Variants in ITPR2 observed in about 807,000 individuals in gnomAD.
The protein encoded by ITPR2 is inositol 1,4,5-trisphosphate-gated calcium channel ITPR2.
In ITPR2, 207 loss-of-function variants were observed where a neutral mutation model predicts 317.1. The observed-to-expected ratio is 0.65, with a 90% CI of 0.58 to 0.73. ITPR2 has a LOEUF of 0.73. Among genes scored for constraint, ITPR2 ranks in the 30% least tolerant of loss-of-function variants. ITPR2 has a pLI of 0.00. For missense variants in ITPR2, 2,613 were observed against 3,284.0 expected, an observed-to-expected ratio of 0.80 and a Z score of 4.99; for synonymous variants, 1,156 against 1,149.1, an observed-to-expected ratio of 1.01 and a Z score of -0.12.
chr12:26,377,176 C>T (rs778385779), intron 55 of ITPR2, among the ~76,000 whole-genome samples: 2 of 152,146 alleles, frequency 1.3e-5, no homozygotes, highest in East Asian at 1.9e-4. Flanking sequence ...TTCATTTACC[C>T]GATCAGCCTC....
intron 26 of ITPR2, among the ~76,000 whole-genome samples, chr12:26,611,885 A>G (rs747830633): frequency 7.9e-5 from 12 of 152,216 alleles, no homozygotes; most frequent in Admixed American, 1.3e-4. Context: ...ATTGCTCCTA[A>G]TGCTACTGAT....
intron 2 of ITPR2, among the ~76,000 whole-genome samples, chr12:26,777,447 G>T (rs1352553599): frequency 2.6e-5 from 4 of 152,152 alleles, no homozygotes; most frequent in Non-Finnish European, 5.9e-5. Context: ...AATACAATGG[G>T]AATAATTGGA....
In ITPR2 at chr12:26,764,129, T is replaced by C. The variant is rs574717364; in HGVS notation, c.163+26028A>G. On this transcript the variant is annotated intron_variant, in intron 2 of 56. Coordinates refer to ENST00000381340, the MANE Select transcript of ITPR2 (RefSeq NM_002223.4). ...AAGGTAGTCTTTGAACAAATTATGC[T>C]AGAACAACTGGACATCCACATGCAA... Among the ~76,000 whole-genome samples the C allele has an allele frequency of 9.9e-5, 15 of 152,200 alleles. No homozygotes were observed. In the South Asian group the frequency reaches 2.9e-3, roughly 29 times the overall value.
intron 21 of ITPR2, among the ~76,000 whole-genome samples, chr12:26,633,379 G>A (rs1399176107): frequency 6.6e-6 from 1 of 152,204 alleles, no homozygotes; most frequent in Non-Finnish European, 1.5e-5. Context: ...TTAAGTGTAA[G>A]AGGGTAGTGC....
At chr12:26,823,078 C>T (rs1468265602) in intron 1 of ITPR2, among the ~76,000 whole-genome samples, 1 of 152,082 alleles carries the variant, frequency 6.6e-6, no homozygotes, top group African/African-American at 2.4e-5. Context: ...CTCCTTGAAG[C>T]TCCCGCCAGG....
At chr12:26,435,199 T>G (rs1941321744) in intron 48 of ITPR2, among the ~76,000 whole-genome samples, 1 of 152,188 alleles carries the variant, frequency 6.6e-6, no homozygotes, top group Non-Finnish European at 1.5e-5. Flanking sequence ...TTTCCTTTTC[T>G]GCCCACCCCC....
At chr12:26,392,827 T>A (rs74688518) in intron 54 of ITPR2, among the ~76,000 whole-genome samples, 3,884 of 152,346 alleles carry the variant, frequency 0.025, 65 homozygotes, top group South Asian at 0.056. Flanking sequence ...AGAATAGGAA[T>A]TCTGACCTAT....
intron 30 of ITPR2, 151 bp from the exon 31 acceptor site, chr12:26,597,285 G>T (rs1207138768): frequency 1.1e-6 from 1 of 920,024 alleles, no homozygotes; most frequent in Non-Finnish European, 1.7e-6. Context: ...GGAGGGTGGT[G>T]ACAAGATTAT....
At chr12:26,713,216 G>A (rs1184701368) in intron 8 of ITPR2, among the ~76,000 whole-genome samples, 1 of 152,128 alleles carries the variant, frequency 6.6e-6, no homozygotes, top group East Asian at 1.9e-4. Flanking sequence ...ATAAGCCCAT[G>A]TCCCCCACTC....
intron 37 of ITPR2, among the ~76,000 whole-genome samples, chr12:26,496,631 T>G (rs1942936441): frequency 6.6e-6 from 1 of 152,148 alleles, no homozygotes; most frequent in Non-Finnish European, 1.5e-5. Context: ...TTCCTTCTCT[T>G]TCAAATGTTT....
chr12:26,353,571 C>A lies in ITPR2; in HGVS notation c.7858-13243G>T, dbSNP rs75928138. Among the ~76,000 whole-genome samples the A allele has an allele frequency of 7.2e-3, 1,096 of 152,240 alleles. 15 individuals carry two copies. Among genetic ancestry groups the A allele is most frequent in the African/African-American group, 0.025 (1,051 of 41,536 alleles). Reference sequence around the variant, plus strand: ...CCTGAAGACAGGATTCAGGATTTTCCAGTTATGCTGAGGTTCAAATAATAC... The same window carrying A: ...CCTGAAGACAGGATTCAGGATTTTCAAGTTATGCTGAGGTTCAAATAATAC... On this transcript the variant is annotated intron_variant, in intron 55 of 56. Transcript: ENST00000381340.
rs571318734 is a variant in ITPR2 at position 26,477,827 on chromosome 12, CT to C, written c.6124-821del. On this transcript the variant is annotated intron_variant, in intron 43 of 56. Transcript: ENST00000381340. ...ATCCTAAACATTTTGAAAGATGTTACTTCATGCTGTGTTTTTAACAGTGCTG... is the reference window on the plus strand; with the variant it reads ...ATCCTAAACATTTTGAAAGATGTTACTCATGCTGTGTTTTTAACAGTGCTG... 6.5e-3 allele frequency among the ~76,000 whole-genome samples: 990 copies of C among 152,234 alleles called. 18 individuals carry two copies. Among genetic ancestry groups the C allele is most frequent in the African/African-American group, 0.023 (946 of 41,564 alleles).
intron 55 of ITPR2, among the ~76,000 whole-genome samples, chr12:26,341,915 T>A (rs1938126510): frequency 6.6e-6 from 1 of 152,182 alleles, no homozygotes; most frequent in Non-Finnish European, 1.5e-5. Context: ...TGTGTGTGGT[T>A]CTAATATCAT....
chr12:26,411,626 A>G (rs971439536), intron 51 of ITPR2, among the ~76,000 whole-genome samples: 1 of 152,196 alleles, frequency 6.6e-6, no homozygotes, highest in Non-Finnish European at 1.5e-5. Flanking sequence ...CCAACCCACT[A>G]AAAGCCTTTT....
intron 45 of ITPR2, among the ~76,000 whole-genome samples, chr12:26,474,793 C>CA (rs10616680): frequency 0.51 from 42,993 of 83,932 alleles, 11,758 homozygotes; most frequent in Non-Finnish European, 0.6. Flanking sequence ...GACTCCGTCT[C>CA]AAAAAAAAAA....
At chr12:26,665,773 G>T in intron 14 of ITPR2, 137 bp downstream of exon 14, 1 of 737,522 alleles carries the variant, frequency 1.4e-6, no homozygotes, top group African/African-American at 1.8e-5. Flanking sequence ...GAAACTGTGA[G>T]ACAAGAAGTA....
intron 55 of ITPR2, among the ~76,000 whole-genome samples, chr12:26,378,640 T>C (rs559475203): frequency 5.9e-5 from 9 of 152,244 alleles, no homozygotes; most frequent in Non-Finnish European, 1.2e-4. Context: ...GCTGTCCTTC[T>C]AGTTATAGTG....
chr12:26,384,195 G>A (rs767252371), intron 55 of ITPR2, among the ~76,000 whole-genome samples: 16 of 152,178 alleles, frequency 1.1e-4, no homozygotes, highest in Non-Finnish European at 1.6e-4. Flanking sequence ...CTTTCCACGT[G>A]CTACAAAATC....
At chr12:26,771,358 T>C (rs1403499687) in intron 2 of ITPR2, among the ~76,000 whole-genome samples, 1 of 152,126 alleles carries the variant, frequency 6.6e-6, no homozygotes, top group Non-Finnish European at 1.5e-5. Flanking sequence ...TGCTGACTAC[T>C]GGAACAACCT....
Sources: allele counts gnomAD v4.1 joint callset (sites outside exome capture counted in the v4.1 genomes callset), GRCh38; gene constraint gnomAD v4.1.1; transcripts MANE v1.5; gene names NCBI Gene and HGNC (gene_info 2026-07-23, HGNC 2026-07-21).